Variants in WWOX observed in about 807,000 individuals in gnomAD.
The protein encoded by WWOX is WW domain containing oxidoreductase.
A neutral mutation model predicts 46.2 loss-of-function variants in WWOX; 69 were observed. The observed-to-expected ratio is 1.49, with a 90% CI of 1.23 to 1.82. The LOEUF is 1.82. WWOX is among the 40% of genes most tolerant of loss of function. The pLI is 0.00. For synonymous variants in WWOX, 359 were observed against 202.6 expected (o/e 1.77, Z -6.56); for missense variants, 919 against 542.6 (o/e 1.69, Z -6.89).
At chr16:79,207,280 A>T (rs200634055) in intron 8 of WWOX, among the ~76,000 whole-genome samples, 1 of 152,248 alleles carries the variant, frequency 6.6e-6, no homozygotes, top group African/African-American at 2.4e-5. Flanking sequence ...GCTTTGTCCA[A>T]CAGACACCAG....
At chr16:78,186,858 C>CCCTTA (rs1249827422) in intron 5 of WWOX, among the ~76,000 whole-genome samples, 2 of 152,184 alleles carry the variant, frequency 1.3e-5, no homozygotes, top group African/African-American at 4.8e-5. Context: ...CACAAGGGTT[C>CCCTTA]TGGGTACCCT....
chr16:78,567,241 C>T (rs990459281), intron 8 of WWOX, among the ~76,000 whole-genome samples: 1 of 152,164 alleles, frequency 6.6e-6, no homozygotes, highest in South Asian at 2.1e-4. Flanking sequence ...CTTTGCTCTT[C>T]CACTGCCAAG....
intron 8 of WWOX, among the ~76,000 whole-genome samples, chr16:78,963,085 A>G (rs780878517): frequency 6.6e-6 from 1 of 152,142 alleles, no homozygotes; most frequent in Non-Finnish European, 1.5e-5. Flanking sequence ...TGCACCACCT[A>G]GATTCTACAA....
intron 8 of WWOX, among the ~76,000 whole-genome samples, chr16:78,704,893 G>C (rs2048299224): frequency 6.7e-6 from 1 of 149,916 alleles, no homozygotes; most frequent in Non-Finnish European, 1.5e-5. Context: ...TTTTTTAATT[G>C]CTGCTTCTTC....
chr16:78,531,194 C>G (rs967661267), intron 8 of WWOX, among the ~76,000 whole-genome samples: 12 of 152,170 alleles, frequency 7.9e-5, no homozygotes, highest in African/African-American at 2.7e-4. Context: ...CTCAATTTGC[C>G]TTTTCAGCGT....
chr16:78,498,912 C>T (rs192856659), intron 8 of WWOX, among the ~76,000 whole-genome samples: 9 of 152,228 alleles, frequency 5.9e-5, no homozygotes, highest in African/African-American at 2.2e-4. Context: ...ATTGTCTCTC[C>T]TTTATTGGCA....
At chr16:79,037,763 T>C (rs1202373584) in intron 8 of WWOX, among the ~76,000 whole-genome samples, 2 of 152,132 alleles carry the variant, frequency 1.3e-5, no homozygotes, top group African/African-American at 2.4e-5. Flanking sequence ...AGTTGAGTTG[T>C]TTTTATCCCC....
At chr16:78,574,756 A>G (rs928244306) in intron 8 of WWOX, among the ~76,000 whole-genome samples, 1 of 151,284 alleles carries the variant, frequency 6.6e-6, no homozygotes, top group Non-Finnish European at 1.5e-5. Flanking sequence ...AACCAAGCTC[A>G]TAGAATAGAA....
intron 8 of WWOX, among the ~76,000 whole-genome samples, chr16:78,515,712 G>GCGTTGCC (rs2043220963): frequency 1.3e-5 from 2 of 152,160 alleles, no homozygotes; most frequent in Non-Finnish European, 2.9e-5. Context: ...GCCAGACTGC[G>GCGTTGCC]CGTTGCCCGT....
rs1597274169 is a variant in WWOX at position 79,011,696 on chromosome 16, T to C, written c.1057-199912T>C. 2.6e-5 allele frequency among the ~76,000 whole-genome samples: 4 copies of C among 152,100 alleles called. No individual in the cohort carries two copies. The East Asian group carries it at 7.8e-4, about 30-fold the overall frequency. On this transcript the variant is annotated intron_variant, in intron 8 of 8. Transcript: ENST00000566780. ...TTTTTAGAGATGAGTTTTTGCCGTG[T>C]TGCCGAGGCTGGTCTCAAACTCCTG...
chr16:78,634,240 G>A (rs929520198), intron 8 of WWOX, among the ~76,000 whole-genome samples: 9 of 152,182 alleles, frequency 5.9e-5, no homozygotes, highest in African/African-American at 1.9e-4. Flanking sequence ...CTAAGAGCAG[G>A]CAGTTAGTTA....
intron 8 of WWOX, among the ~76,000 whole-genome samples, chr16:78,818,871 A>T (rs1597664937): frequency 6.6e-6 from 1 of 152,290 alleles, no homozygotes; most frequent in East Asian, 1.9e-4. Flanking sequence ...GCACTGAGAG[A>T]GGGAATGTAA....
At chr16:78,165,796 T>C (rs929294305) in intron 5 of WWOX, among the ~76,000 whole-genome samples, 3 of 152,232 alleles carry the variant, frequency 2.0e-5, no homozygotes, top group Non-Finnish European at 2.9e-5. Context: ...TCAGTGTATT[T>C]ATGATGAAAT....
chr16:78,249,405 A>T (rs2037919345), intron 5 of WWOX, among the ~76,000 whole-genome samples: 1 of 152,186 alleles, frequency 6.6e-6, no homozygotes, highest in African/African-American at 2.4e-5. Context: ...ATGCTTAGTG[A>T]TAGTAGCTAC....
Position 78,351,887 on chromosome 16 carries a change from C to T in WWOX, c.517-34973C>T, listed in dbSNP as rs902452679. On this transcript the variant is annotated intron_variant, in intron 5 of 8. Coordinates refer to ENST00000566780, the MANE Select transcript of WWOX (RefSeq NM_016373.4). Reference sequence around the variant, plus strand: ...GGCCAGGCTGGTCTCAAACTCGTGACCTTAGGTGATATGCGCCCCTCAGCC... The same window carrying T: ...GGCCAGGCTGGTCTCAAACTCGTGATCTTAGGTGATATGCGCCCCTCAGCC... Among the ~76,000 whole-genome samples, 4 of 152,148 alleles carry T rather than the reference C, an allele frequency of 2.6e-5. No individual in the cohort carries two copies. In the East Asian group the frequency reaches 7.7e-4, roughly 29 times the overall value.
At chr16:79,013,050 CAG>C (rs1202473880) in intron 8 of WWOX, among the ~76,000 whole-genome samples, 1 of 152,188 alleles carries the variant, frequency 6.6e-6, no homozygotes, top group Non-Finnish European at 1.5e-5. Flanking sequence ...GCCTGAGCAA[CAG>C]AGCAAGACTC....
chr16:78,861,477 A>C (rs976633501), intron 8 of WWOX, among the ~76,000 whole-genome samples: 4 of 152,164 alleles, frequency 2.6e-5, no homozygotes, highest in Admixed American at 6.5e-5. Flanking sequence ...TTGTTGTTTT[A>C]TCTCTCTCCA....
chr16:79,111,448 T>G (rs577955203), intron 8 of WWOX, among the ~76,000 whole-genome samples: 1 of 152,214 alleles, frequency 6.6e-6, no homozygotes. Context: ...CTGTATTGTT[T>G]AGGACTGAAA....
intron 6 of WWOX, among the ~76,000 whole-genome samples, chr16:78,417,040 G>GGTGGGTGTGTGTGTGTGTGTGTGT (rs1555535316): frequency 6.6e-6 from 1 of 151,264 alleles, no homozygotes; most frequent in Admixed American, 6.6e-5. Context: ...ACCCTTTGGG[G>GGTGGGTGTGTGTGTGTGTGTGTGT]GTGTGTGTGT....
Sources: allele counts gnomAD v4.1 joint callset (sites outside exome capture counted in the v4.1 genomes callset), GRCh38; gene constraint gnomAD v4.1.1; transcripts MANE v1.5; gene names NCBI Gene and HGNC (gene_info 2026-07-23, HGNC 2026-07-21).